BLTP1: variants seen among roughly 807,000 people sequenced by gnomAD.
The protein encoded by BLTP1 is bridge-like lipid transfer protein family member 1.
At chr4:122,220,333 C>G in the BLTP1 span, 1 of 1,612,314 alleles carries the variant, frequency 6.2e-7, no homozygotes, top group Non-Finnish European at 8.5e-7. Flanking sequence ...TTGACTGTAG[C>G]ATGGAACTAC....
chr4:122,261,291 C>A, the BLTP1 span: 1 of 985,146 alleles, frequency 1.0e-6, no homozygotes, highest in Non-Finnish European at 1.2e-6. Context: ...GTTTTTTCAA[C>A]CTTCTGAATC....
At chr4:122,234,525 G>A in the BLTP1 span, among the ~76,000 whole-genome samples, 1 of 151,204 alleles carries the variant, frequency 6.6e-6, no homozygotes, top group Non-Finnish European at 1.5e-5. Flanking sequence ...GCTTTTTAAT[G>A]TATGCCGTAT....
the BLTP1 span, chr4:122,199,474 A>G: frequency 6.4e-7 from 1 of 1,557,984 alleles, no homozygotes; most frequent in Non-Finnish European, 8.8e-7. Flanking sequence ...ACATGATGAT[A>G]TACATACTTG....
chr4:122,240,049 T>A, the BLTP1 span: 1 of 1,614,168 alleles, frequency 6.2e-7, no homozygotes, highest in Non-Finnish European at 8.5e-7. Context: ...ACTCTGCCAT[T>A]CAAAACTCAT....
the BLTP1 span, chr4:122,195,727 A>G: frequency 3.0e-6 from 2 of 662,662 alleles, no homozygotes; most frequent in Non-Finnish European, 3.7e-6. Context: ...AATTTTCTAT[A>G]TTTATGTGTC....
At chr4:122,171,764 G>C in the BLTP1 span, 1 of 969,468 alleles carries the variant, frequency 1.0e-6, no homozygotes, top group Non-Finnish European at 1.2e-6. Flanking sequence ...GAATTTTTCA[G>C]ACTTTTTCCT....
the BLTP1 span, chr4:122,314,096 G>A: frequency 2.0e-6 from 2 of 982,374 alleles, no homozygotes; most frequent in Admixed American, 1.2e-4. Flanking sequence ...GAGAATACTG[G>A]GATCAGAGAA....
the BLTP1 span, chr4:122,298,314 A>G: frequency 2.2e-3 from 1,316 of 587,280 alleles, 2 homozygotes; most frequent in Non-Finnish European, 2.7e-3. Flanking sequence ...GCTCTTGCCT[A>G]TAGAGCCAAG....
At chr4:122,194,951 A>T in the BLTP1 span, among the ~76,000 whole-genome samples, 3 of 152,196 alleles carry the variant, frequency 2.0e-5, no homozygotes, top group Admixed American at 2.0e-4. Context: ...CATATATTAA[A>T]TTCACTAATG....
chr4:122,279,681 TTATAAG>T, the BLTP1 span: 3 of 1,388,372 alleles, frequency 2.2e-6, no homozygotes, highest in South Asian at 2.9e-5. Flanking sequence ...CCTCTCAAAT[TTATAAG>T]TATTTTTCTT....
the BLTP1 span, chr4:122,293,263 C>T: frequency 1.4e-6 from 1 of 691,702 alleles, no homozygotes; most frequent in Non-Finnish European, 1.8e-6. Flanking sequence ...CAGCTGTAGT[C>T]CAGGACTCTC....
the BLTP1 span, among the ~76,000 whole-genome samples, chr4:122,250,796 A>T: frequency 6.6e-6 from 1 of 152,172 alleles, no homozygotes; most frequent in African/African-American, 2.4e-5. Flanking sequence ...TCATAGTCCT[A>T]GCATTATGCC....
At chr4:122,278,913 A>T in the BLTP1 span, among the ~76,000 whole-genome samples, 2 of 152,120 alleles carry the variant, frequency 1.3e-5, no homozygotes, top group Non-Finnish European at 2.9e-5. Context: ...TACAGGTGGG[A>T]GCCACCATGC....
chr4:122,345,014 C>A, the BLTP1 span: 1 of 984,600 alleles, frequency 1.0e-6, no homozygotes, highest in African/African-American at 1.7e-5. Flanking sequence ...CTTTACATTG[C>A]GATTTGAGTG....
chr4:122,246,743 A>C, the BLTP1 span: 2 of 1,612,962 alleles, frequency 1.2e-6, no homozygotes, highest in Non-Finnish European at 1.7e-6. Context: ...TCCTAGTAGG[A>C]GTGTGACTCA....
chr4:122,271,322 G>A, the BLTP1 span: 15 of 1,613,630 alleles, frequency 9.3e-6, 1 homozygote, highest in Admixed American at 8.3e-5. Flanking sequence ...ATATACAGCC[G>A]GATCTGCTTC....
chr4:122,184,640 A>T, the BLTP1 span: 1 of 934,614 alleles, frequency 1.1e-6, no homozygotes, highest in African/African-American at 2.1e-5. Context: ...ACTCCGTCTC[A>T]AAAAAAAACC....
the BLTP1 span, chr4:122,249,986 G>T: frequency 7.3e-6 from 7 of 959,890 alleles, no homozygotes; most frequent in Non-Finnish European, 7.4e-6. Flanking sequence ...TTGAAAACTG[G>T]ATCTTTGGTC....
the BLTP1 span, chr4:122,250,709 A>G: frequency 1.1e-6 from 1 of 893,870 alleles, no homozygotes; most frequent in Non-Finnish European, 1.7e-6. Flanking sequence ...ATCTGCTTAA[A>G]TGTTAGTCAA....
Sources: gnomAD v4.1 joint callset for allele counts (sites outside exome capture counted in the v4.1 genomes callset) on GRCh38, gnomAD v4.1.1 for gene constraint, MANE v1.5 for transcripts, NCBI Gene and HGNC (gene_info 2026-07-23, HGNC 2026-07-21) for gene names.